The following SMCO4 variants were observed in gnomAD, a reference collection of about 807,000 sequenced individuals.
The protein encoded by SMCO4 is single-pass membrane protein with coiled-coil domains 4.
A neutral mutation model predicts 3.6 loss-of-function variants in SMCO4; 4 were observed. That is an observed-to-expected ratio of 1.11 (90% CI 0.54 to 2.53). SMCO4 has a LOEUF of 2.53. Ranked by LOEUF, SMCO4 falls within the 30% of genes most tolerant of loss-of-function variation. SMCO4 has a pLI of 0.02. For synonymous variants in SMCO4, 36 were observed against 35.3 expected, an observed-to-expected ratio of 1.02 and a Z score of -0.07; for missense variants, 70 against 80.8, an observed-to-expected ratio of 0.87 and a Z score of 0.51.
chr11:93,504,282 C>T (rs1948877865), intron 1 of SMCO4, among the ~76,000 whole-genome samples: 1 of 152,188 alleles, frequency 6.6e-6, no homozygotes, highest in Admixed American at 6.5e-5. Context: ...ACATGTCATT[C>T]CCTAAATGAC....
upstream of SMCO4, among the ~76,000 whole-genome samples, chr11:93,545,607 A>AAG (rs1949310631): frequency 6.7e-6 from 1 of 149,728 alleles, no homozygotes; most frequent in Non-Finnish European, 1.5e-5. Context: ...AAAAAAAAAA[A>AAG]AAGAGAGAGA....
intron 2 of SMCO4, among the ~76,000 whole-genome samples, chr11:93,484,828 A>T (rs1472599642): frequency 6.6e-6 from 1 of 152,116 alleles, no homozygotes; most frequent in East Asian, 1.9e-4. Context: ...CTCTCAGGGG[A>T]AGGTCTAAGA....
At chr11:93,517,756 C>A (rs1441863725) in intron 1 of SMCO4, among the ~76,000 whole-genome samples, 1 of 152,170 alleles carries the variant, frequency 6.6e-6, no homozygotes, top group Non-Finnish European at 1.5e-5. Context: ...AAAGGGGAGG[C>A]AACTCACCAG....
intron 2 of SMCO4, chr11:93,481,614 G>C (rs1948593998): frequency 1.4e-6 from 1 of 739,670 alleles, no homozygotes; most frequent in African/African-American, 1.9e-5. Context: ...GGAGCAAAGG[G>C]GAAAAATGTC....
chr11:93,480,917 G>C (rs974779975), intron 2 of SMCO4, among the ~76,000 whole-genome samples: 4 of 152,110 alleles, frequency 2.6e-5, no homozygotes, highest in Admixed American at 6.5e-5. Flanking sequence ...GGTATGAGAT[G>C]ACAAATATTA....
chr11:93,495,079 T>C (rs1387472486), intron 2 of SMCO4, among the ~76,000 whole-genome samples: 10 of 151,788 alleles, frequency 6.6e-5, no homozygotes, highest in Non-Finnish European at 2.9e-5. Flanking sequence ...ACCCCTATTC[T>C]CCCAAGCATT....
rs909309792 is a variant in SMCO4, at chr11:93,501,892, G to A, written c.-153-2544C>T. Among the ~76,000 whole-genome samples the A allele has an allele frequency of 7.9e-5, 12 of 151,948 alleles. No individual in the cohort carries two copies. In the South Asian group the frequency reaches 8.3e-4, roughly 11 times the overall value. On this transcript the variant is annotated intron_variant, in intron 1 of 2. Transcript: ENST00000298966. The stretch of plus-strand genomic sequence containing the variant: ...CCTGAACAGCAATGGGCCAGATGAC[G>A]TCAAATGTAGCAGGTTCCCTTGAGC...
At chr11:93,502,767 C>T (rs964905298) in intron 1 of SMCO4, among the ~76,000 whole-genome samples, 4 of 152,136 alleles carry the variant, frequency 2.6e-5, no homozygotes, top group Non-Finnish European at 5.9e-5. Context: ...ACTTATCCAA[C>T]AAAAGGACAG....
chr11:93,552,442 G>GTTGTTA, the SMCO4 span, among the ~76,000 whole-genome samples: 18 of 130,242 alleles, frequency 1.4e-4, 1 homozygote, highest in Admixed American at 9.6e-4. Flanking sequence ...GCCCAGCCAC[G>GTTGTTA]TTATTATTAT....
At chr11:93,488,986 G>A (rs1266332647) in intron 2 of SMCO4, among the ~76,000 whole-genome samples, 1 of 152,210 alleles carries the variant, frequency 6.6e-6, no homozygotes, top group Non-Finnish European at 1.5e-5. Context: ...CCACATGCAG[G>A]TCCTCTATGA....
At chr11:93,483,927 G>A (rs2605598) in intron 2 of SMCO4, among the ~76,000 whole-genome samples, 103,835 of 152,036 alleles carry the variant, frequency 0.68, 35,996 homozygotes, top group East Asian at 0.99. Context: ...CTTGCAGAGA[G>A]AAATAAATGA....
chr11:93,509,823 A>G (rs563642155), intron 1 of SMCO4, among the ~76,000 whole-genome samples: 3 of 152,274 alleles, frequency 2.0e-5, no homozygotes, highest in Non-Finnish European at 4.4e-5. Context: ...CTTGGTGGGG[A>G]AAGGATGGGA....
At chr11:93,514,560 C>T (rs1236209900) in intron 1 of SMCO4, among the ~76,000 whole-genome samples, 8 of 151,752 alleles carry the variant, frequency 5.3e-5, no homozygotes, top group South Asian at 2.1e-4. Context: ...ACCCCAGCTG[C>T]CTCACGTATT....
intron 1 of SMCO4, among the ~76,000 whole-genome samples, chr11:93,541,613 A>G (rs1382720092): frequency 6.6e-6 from 1 of 152,194 alleles, no homozygotes; most frequent in African/African-American, 2.4e-5. Context: ...TCGGGTCCAC[A>G]GGTGAAATAC....
chr11:93,553,436 G>A, the SMCO4 span, among the ~76,000 whole-genome samples: 1 of 152,148 alleles, frequency 6.6e-6, no homozygotes, highest in Non-Finnish European at 1.5e-5. Flanking sequence ...ATCTTTGTTT[G>A]TACTAACTTC....
At chr11:93,515,353 T>C (rs184573334) in intron 1 of SMCO4, among the ~76,000 whole-genome samples, 1 of 152,324 alleles carries the variant, frequency 6.6e-6, no homozygotes, top group African/African-American at 2.4e-5. Context: ...CCTCCACTTC[T>C]TCTATGCTAC....
intron 2 of SMCO4, among the ~76,000 whole-genome samples, chr11:93,485,655 G>A (rs971420365): frequency 6.6e-6 from 1 of 152,168 alleles, no homozygotes; most frequent in Non-Finnish European, 1.5e-5. Flanking sequence ...ATATTCTCCT[G>A]GGCTGGCATG....
At chr11:93,479,406 C>A in intron 2 of SMCO4, 137 bp from the exon 3 acceptor site, 4 of 804,868 alleles carry the variant, frequency 5.0e-6, no homozygotes, top group Non-Finnish European at 7.1e-6. Flanking sequence ...CCACACCAGG[C>A]TCTAAGTTCT....
chr11:93,483,431 A>G (rs527368085), intron 2 of SMCO4, among the ~76,000 whole-genome samples: 66 of 152,328 alleles, frequency 4.3e-4, no homozygotes, highest in African/African-American at 1.5e-3. Flanking sequence ...ACTGGCCTCT[A>G]CTTCAAGAAT....
Sources: gnomAD v4.1 joint callset for allele counts (sites outside exome capture counted in the v4.1 genomes callset) on GRCh38, gnomAD v4.1.1 for gene constraint, MANE v1.5 for transcripts, NCBI Gene and HGNC (gene_info 2026-07-23, HGNC 2026-07-21) for gene names.